GALNT13: variants seen among roughly 807,000 people sequenced by gnomAD.
GALNT13 encodes the protein UDP-GalNAc:polypeptide N-acetylgalactosaminyltransferase 13.
In GALNT13, 28 loss-of-function variants were observed where a neutral mutation model predicts 64.2. The ratio of observed to expected loss-of-function variants is 0.44; its 90% CI spans 0.32 to 0.60. GALNT13 has a LOEUF of 0.60. GALNT13 is among the 20% of genes least tolerant of loss of function. The pLI, the probability that GALNT13 is intolerant of heterozygous loss-of-function variation, is 0.05. For missense variants in GALNT13, 577 were observed against 669.8 expected (o/e 0.86, Z 1.53); for synonymous variants, 214 against 224.6 (o/e 0.95, Z 0.42).
chr2:154,337,420 T>C (rs993510603), intron 9 of GALNT13, among the ~76,000 whole-genome samples: 2 of 152,090 alleles, frequency 1.3e-5, no homozygotes, highest in Non-Finnish European at 2.9e-5. Context: ...GACAGAAAAC[T>C]CTGAAGCTAA....
At chr2:153,463,684 TAACTC>T in the GALNT13 span, among the ~76,000 whole-genome samples, 1 of 152,054 alleles carries the variant, frequency 6.6e-6, no homozygotes, top group African/African-American at 2.4e-5. Context: ...GTTGAGAAGT[TAACTC>T]AACTGTAATC....
At chr2:153,289,936 T>C in the GALNT13 span, among the ~76,000 whole-genome samples, 53 of 152,172 alleles carry the variant, frequency 3.5e-4, no homozygotes, top group Middle Eastern at 3.4e-3. Context: ...TGGAGTAGGG[T>C]AGACAATGGA....
the GALNT13 span, among the ~76,000 whole-genome samples, chr2:153,721,731 G>A: frequency 2.0e-5 from 3 of 151,978 alleles, no homozygotes; most frequent in Admixed American, 1.3e-4. Context: ...TAATGGTAAA[G>A]GGATCAATTC....
intron 3 of GALNT13, among the ~76,000 whole-genome samples, chr2:154,127,729 G>T: frequency 6.7e-6 from 1 of 148,176 alleles, no homozygotes; most frequent in East Asian, 2.0e-4. Flanking sequence ...TGTGGATATG[G>T]ATATATGTGT....
At chr2:153,218,410 A>C in the GALNT13 span, among the ~76,000 whole-genome samples, 2 of 152,010 alleles carry the variant, frequency 1.3e-5, no homozygotes, top group Non-Finnish European at 2.9e-5. Flanking sequence ...CCTTCCTCTT[A>C]GTCGTTAAGA....
chr2:153,136,098 A>T, the GALNT13 span, among the ~76,000 whole-genome samples: 4 of 152,116 alleles, frequency 2.6e-5, no homozygotes, highest in African/African-American at 9.7e-5. Context: ...CCTGATAGGG[A>T]GCAGTTGCAG....
chr2:154,449,498 G>A (rs1041730249), intron 12 of GALNT13, among the ~76,000 whole-genome samples: 2 of 144,538 alleles, frequency 1.4e-5, no homozygotes, highest in Admixed American at 1.4e-4. Context: ...AAAGTATCTA[G>A]AGTGCTATTT....
chr2:153,566,434 A>T, the GALNT13 span, among the ~76,000 whole-genome samples: 1 of 138,674 alleles, frequency 7.2e-6, no homozygotes, highest in Non-Finnish European at 1.5e-5. Context: ...AGCTCACTGC[A>T]AGCTCTGCCT....
At chr2:154,332,622 C>G (rs973292263) in intron 9 of GALNT13, among the ~76,000 whole-genome samples, 1 of 152,050 alleles carries the variant, frequency 6.6e-6, no homozygotes, top group Non-Finnish European at 1.5e-5. Context: ...GTTTTTCACC[C>G]AGCAACAAAT....
At chr2:154,408,862 G>C (rs537167206) in intron 10 of GALNT13, 122 bp from the exon 11 acceptor site, 11 of 664,126 alleles carry the variant, frequency 1.7e-5, no homozygotes, top group Middle Eastern at 2.6e-4. Context: ...TTTTCTTGGA[G>C]AAATTTTCTT....
At chr2:153,976,579 T>C (rs1442300385) in intron 3 of GALNT13, among the ~76,000 whole-genome samples, 3 of 152,130 alleles carry the variant, frequency 2.0e-5, no homozygotes, top group Admixed American at 6.6e-5. Flanking sequence ...ACAAGCTATA[T>C]TGGAATCATG....
chr2:153,441,773 C>G, the GALNT13 span, among the ~76,000 whole-genome samples: 1 of 152,086 alleles, frequency 6.6e-6, no homozygotes, highest in Non-Finnish European at 1.5e-5. Context: ...TATAGGAATG[C>G]TTGTGATTTT....
chr2:154,324,122 C>T (rs1217336918), intron 9 of GALNT13, among the ~76,000 whole-genome samples: 1 of 152,024 alleles, frequency 6.6e-6, no homozygotes. Flanking sequence ...TTTCCCACAC[C>T]TTGTATTCAT....
At chr2:153,973,962 C>T (rs1052208919) in intron 3 of GALNT13, among the ~76,000 whole-genome samples, 3 of 151,874 alleles carry the variant, frequency 2.0e-5, no homozygotes, top group African/African-American at 7.2e-5. Flanking sequence ...GTAATAGGTC[C>T]ACATCTCAAG....
intron 10 of GALNT13, among the ~76,000 whole-genome samples, chr2:154,405,249 A>G (rs1304804078): frequency 2.0e-5 from 3 of 152,162 alleles, no homozygotes; most frequent in African/African-American, 7.2e-5. Context: ...CATTTCAGAA[A>G]TGAAGGCCAA....
chr2:153,219,411 T>A, the GALNT13 span, among the ~76,000 whole-genome samples: 1 of 152,246 alleles, frequency 6.6e-6, no homozygotes. Flanking sequence ...CATTTCTTGA[T>A]GTATCAAGGG....
chr2:153,761,027 A>G, the GALNT13 span, among the ~76,000 whole-genome samples: 8 of 152,166 alleles, frequency 5.3e-5, no homozygotes, highest in Non-Finnish European at 7.4e-5. Flanking sequence ...GCCTACTTTA[A>G]GTATAGCTAA....
At chr2:154,221,860 A>G (rs1433791247) in intron 4 of GALNT13, among the ~76,000 whole-genome samples, 1 of 152,078 alleles carries the variant, frequency 6.6e-6, no homozygotes, top group African/African-American at 2.4e-5. Flanking sequence ...TTAATGTTTG[A>G]AATGGGGCAC....
At chr2:153,316,416 G>A in the GALNT13 span, among the ~76,000 whole-genome samples, 2 of 152,056 alleles carry the variant, frequency 1.3e-5, no homozygotes, top group Admixed American at 6.5e-5. Context: ...GCCGAGGAGG[G>A]TGGATCATGA....
Sources: allele counts gnomAD v4.1 joint callset (sites outside exome capture counted in the v4.1 genomes callset), GRCh38; gene constraint gnomAD v4.1.1; transcripts MANE v1.5; gene names NCBI Gene and HGNC (gene_info 2026-07-23, HGNC 2026-07-21).